HERC1: variants seen among roughly 807,000 people sequenced by gnomAD.
The protein encoded by HERC1 is HECT and RLD domain containing E3 ubiquitin protein ligase family member 1, also known as probable E3 ubiquitin-protein ligase HERC1.
A neutral mutation model predicts 554.3 loss-of-function variants in HERC1; 160 were observed. The observed-to-expected ratio is 0.29, with a 90% CI of 0.25 to 0.33. HERC1 has a LOEUF of 0.33. Among genes scored for constraint, HERC1 ranks in the 10% least tolerant of loss-of-function variants. The pLI is 1.00. For synonymous variants in HERC1, 2,175 were observed against 2,131.7 expected (o/e 1.02, Z -0.56); for missense variants, 4,919 against 5,918.5 (o/e 0.83, Z 5.54).
intron 12 of HERC1, among the ~76,000 whole-genome samples, chr15:63,743,867 T>C (rs2074927978): frequency 6.6e-6 from 1 of 152,226 alleles, no homozygotes. Flanking sequence ...TGGATGCCAG[T>C]AGATATTGAA....
chr15:63,777,480 G>T (rs2076148928), intron 1 of HERC1, among the ~76,000 whole-genome samples: 1 of 152,108 alleles, frequency 6.6e-6, no homozygotes. Context: ...GCTGTACAGG[G>T]ATACGTTGTT....
At chr15:63,819,471 T>C (rs906988909) in intron 1 of HERC1, among the ~76,000 whole-genome samples, 2 of 152,230 alleles carry the variant, frequency 1.3e-5, no homozygotes, top group African/African-American at 4.8e-5. Flanking sequence ...TGCTCCTTAA[T>C]ATCATTAGGT....
At chr15:63,690,727 T>C (rs1436076152) in intron 31 of HERC1, 80 bp from the exon 32 acceptor site, 3 of 848,704 alleles carry the variant, frequency 3.5e-6, no homozygotes, top group African/African-American at 1.7e-5. Flanking sequence ...AAAAAATTCC[T>C]GAGGCTGCTA....
rs2152998095 is a variant in HERC1, at chr15:63,680,624, G to A, written c.6378C>T (p.Leu2126=). ...GNLYHNGEQT[L]TLSSFTQGDF... ...CTCCTTGAGTAAAGCTGGACAATGT[G>A]AGAGTCTGTTCTCCATTGTGATAGA... The change falls in exon 35 of 78, where the codon CTC becomes CTT. Residue 2126 remains leucine, a synonymous_variant. Transcript: ENST00000443617. The surrounding 1 kb of genome is among the most constrained non-coding windows in gnomAD (Gnocchi z 5.8). The A allele has an allele frequency of 6.2e-7, 1 of 1,613,430 alleles. No homozygotes were observed. The highest frequency in any genetic ancestry group is 1.7e-5 in the Admixed American group (1 of 60,012).
At position 63,674,698 on chromosome 15, in the gene HERC1, T is replaced by G. The variant is rs763845705; in HGVS notation, c.7490A>C (p.Asp2497Ala). The part of the protein sequence containing the change: ...KNHEHMSKNH[D>A]VAQSEIRAVQ... ...TGCTCTGATTTCTGACTGGGCTACATCATGGTTTTTGGACATGTGTTCATG... is the reference window on the plus strand; with the variant it reads ...TGCTCTGATTTCTGACTGGGCTACAGCATGGTTTTTGGACATGTGTTCATG... Residue 2497 changes from aspartate to alanine, a missense_variant, in exon 38 of 78, where the codon GAT becomes GCT. Physicochemically the swap from Asp to Ala is moderately radical, Grantham distance 126 (BLOSUM62 -2). Around this residue, in one of 11 missense-constraint regions of HERC1, gnomAD observed 1,963 missense variants for 2,228.6 expected, o/e 0.88. Coordinates refer to ENST00000443617, the MANE Select transcript of HERC1 (RefSeq NM_003922.4). 6.2e-7 allele frequency: 1 copy of G among 1,613,786 alleles called. No individual in the cohort carries two copies. Among genetic ancestry groups the G allele is most frequent in the Non-Finnish European group, 8.5e-7 (1 of 1,179,776 alleles).
In HERC1 at chr15:63,626,073, G is replaced by A. The variant is rs775930285; in HGVS notation, c.13187C>T (p.Thr4396Met). ...YGALREVSIHTVRARLRLLYH... is the reference protein window; with the variant it reads ...YGALREVSIHMVRARLRLLYH... ...GAGCAGCCGGAGCCTGGCCCGCACC[G>A]TGTGAATGCTGACTTCTCTCAGCGC... The change falls in exon 71 of 78, where the codon ACG becomes ATG. Residue 4396 changes from threonine to methionine, a missense_variant. Thr to Met is a moderately conservative substitution (Grantham distance 81, BLOSUM62 -1). Coordinates refer to ENST00000443617, the MANE Select transcript of HERC1 (RefSeq NM_003922.4). The A allele has an allele frequency of 2.0e-5, 33 of 1,613,476 alleles. No homozygotes were observed. The highest frequency in any genetic ancestry group is 1.1e-4 in the South Asian group (10 of 90,950).
chr15:63,623,431 C>A (rs1214356773), intron 73 of HERC1, among the ~76,000 whole-genome samples: 1 of 152,228 alleles, frequency 6.6e-6, no homozygotes, highest in African/African-American at 2.4e-5. Context: ...TTGTCTGTTA[C>A]ATAAATGTAC....
At position 63,666,007 on chromosome 15, in the gene HERC1, C is replaced by G. The variant is rs756351843; in HGVS notation, c.8467G>C (p.Gly2823Arg). The part of the protein sequence containing the change: ...RPGAAVLGSG[G>R]KSNDPCYLQS... ...AAATAACAGGGATCATTTGACTTCC[C>G]GCCACTGCCTAGAACGGCTGCTCCA... The change falls in exon 42 of 78, where the codon GGG becomes CGG. Residue 2823 changes from glycine to arginine, a missense_variant. Physicochemically the swap from Gly to Arg is moderately radical, Grantham distance 125 (BLOSUM62 -2). Transcript: ENST00000443617. The G allele has an allele frequency of 6.2e-7, 1 of 1,613,982 alleles. No homozygotes were observed. Among genetic ancestry groups the G allele is most frequent in the East Asian group, 2.2e-5 (1 of 44,884 alleles).
intron 63 of HERC1, 126 bp from the exon 64 acceptor site, chr15:63,637,769 G>T: frequency 1.6e-6 from 1 of 610,826 alleles, no homozygotes; most frequent in Non-Finnish European, 2.7e-6. Context: ...TACTGAAAGG[G>T]AAGAGTTGAT....
At chr15:63,736,567 T>G (rs1286165923) in intron 12 of HERC1, among the ~76,000 whole-genome samples, 1 of 151,988 alleles carries the variant, frequency 6.6e-6, no homozygotes, top group Non-Finnish European at 1.5e-5. Context: ...TCTCTCTCTG[T>G]GTAGAGAACT....
At chr15:63,805,938 A>G (rs4267257) in intron 1 of HERC1, among the ~76,000 whole-genome samples, 26,475 of 96,504 alleles carry the variant, frequency 0.27, 2,559 homozygotes, top group South Asian at 0.34. Flanking sequence ...GCAAGACCCT[A>G]TCTCAAAACA....
At chr15:63,746,140 T>TA (rs1234625749) in intron 12 of HERC1, among the ~76,000 whole-genome samples, 7 of 151,822 alleles carry the variant, frequency 4.6e-5, no homozygotes, top group Admixed American at 2.0e-4. Flanking sequence ...TCGATATATA[T>TA]TTTTTTTAAT....
Position 63,680,037 on chromosome 15 carries a change from A to G in HERC1, c.6549+40T>C. Reference sequence around the variant, plus strand: ...ACTCTATCTGATGCTAAACAATAAAATAACAAATATTCTTAAATAAAGGTT... The same window carrying G: ...ACTCTATCTGATGCTAAACAATAAAGTAACAAATATTCTTAAATAAAGGTT... On this transcript the variant is annotated intron_variant, in intron 36 of 77. Transcript: ENST00000443617. The surrounding 1 kb of genome is among the most constrained non-coding windows in gnomAD (Gnocchi z 5.8). 7.3e-7 allele frequency: 1 copy of G among 1,372,878 alleles called. No individual in the cohort carries two copies. The highest frequency in any genetic ancestry group is 1.0e-6 in the Non-Finnish European group (1 of 971,338). The allele number at this position is 1,372,878 out of a possible 1,614,324, so 85.0% of individuals were successfully genotyped here. A position where few individuals can be genotyped will look rare whatever the true frequency, so the allele number is the denominator to read the frequency against.
chr15:63,621,022 T>C (rs1595833902), intron 74 of HERC1, among the ~76,000 whole-genome samples: 1 of 152,238 alleles, frequency 6.6e-6, no homozygotes, highest in South Asian at 2.1e-4. Flanking sequence ...ATGTGTGAAT[T>C]TGATCCTGTC....
chr15:63,682,713 T>C (rs1038254034), intron 34 of HERC1, among the ~76,000 whole-genome samples: 1 of 152,190 alleles, frequency 6.6e-6, no homozygotes, highest in Non-Finnish European at 1.5e-5. Flanking sequence ...CCTGCCACAA[T>C]TTACCTTGTA....
rs765940032 is a variant in HERC1, at chr15:63,658,526, A to G, written c.9599+18T>C. 2 of 1,593,074 alleles carry G rather than the reference A, an allele frequency of 1.3e-6. No individual in the cohort carries two copies. Among genetic ancestry groups the G allele is most frequent in the South Asian group, 2.2e-5 (2 of 89,464 alleles). Reference sequence around the variant, plus strand: ...CTAGAAGTTAACTTAGCATCATGTGACATAAAATAACACTTACCTGACTGA... The same window carrying G: ...CTAGAAGTTAACTTAGCATCATGTGGCATAAAATAACACTTACCTGACTGA... On this transcript the variant is annotated intron_variant, in intron 48 of 77. Transcript: ENST00000443617.
rs2074104908 is a variant in HERC1, at chr15:63,727,961, C to T, written c.3155-123G>A. The T allele has an allele frequency of 2.9e-6, 2 of 683,218 alleles. No homozygotes were observed. Among genetic ancestry groups the T allele is most frequent in the African/African-American group, 1.8e-5 (1 of 55,412 alleles). The allele number at this position is 683,218 out of a possible 1,614,324, so 42.3% of individuals were successfully genotyped here. A position where few individuals can be genotyped will look rare whatever the true frequency, so the allele number is the denominator to read the frequency against. On this transcript the variant is annotated intron_variant, in intron 16 of 77. Coordinates refer to ENST00000443617, the MANE Select transcript of HERC1 (RefSeq NM_003922.4). The surrounding 1 kb of genome is among the most constrained non-coding windows in gnomAD (Gnocchi z 4.3). Reference sequence around the variant, plus strand: ...ACTCATTCAACAACTCTCTGTTGAACACCTACCTGGTAGCTGATGTAGTAT... The same window carrying T: ...ACTCATTCAACAACTCTCTGTTGAATACCTACCTGGTAGCTGATGTAGTAT...
chr15:63,696,604 C>G (rs910699207), intron 26 of HERC1, among the ~76,000 whole-genome samples: 41 of 152,112 alleles, frequency 2.7e-4, no homozygotes, highest in African/African-American at 9.7e-4. Context: ...AGGACAGACT[C>G]TTTTATCTTA....
At chr15:63,657,362 C>A (rs1425554164) in intron 48 of HERC1, among the ~76,000 whole-genome samples, 1 of 150,914 alleles carries the variant, frequency 6.6e-6, no homozygotes, top group East Asian at 1.9e-4. Context: ...CCCAATCACA[C>A]TGGATTTTAA....
Sources: allele counts gnomAD v4.1 joint callset (sites outside exome capture counted in the v4.1 genomes callset), GRCh38; gene constraint gnomAD v4.1.1; regional missense constraint gnomAD v4.1.1; non-coding constraint Gnocchi (gnomAD v3.1); transcripts MANE v1.5; gene names NCBI Gene and HGNC (gene_info 2026-07-23, HGNC 2026-07-21).